Variants in HIPK3 observed in about 807,000 individuals in gnomAD.
The protein encoded by HIPK3 is homeodomain interacting protein kinase 3, also known as homeodomain-interacting protein kinase 3.
HIPK3 carries 47 observed loss-of-function variants against 124.2 expected under a neutral mutation model. The ratio of observed to expected loss-of-function variants is 0.38; its 90% CI spans 0.30 to 0.48. HIPK3 has a LOEUF of 0.48. Ranked by LOEUF, HIPK3 falls within the 20% of genes least tolerant of loss-of-function variation. The pLI, the probability that HIPK3 is intolerant of heterozygous loss-of-function variation, is 0.98. For synonymous variants in HIPK3, 482 were observed against 515.2 expected, an observed-to-expected ratio of 0.94 and a Z score of 0.87; for missense variants, 1,286 against 1,454.3, an observed-to-expected ratio of 0.88 and a Z score of 1.88.
intron 2 of HIPK3, among the ~76,000 whole-genome samples, chr11:33,305,422 A>T (rs1299340897): frequency 6.6e-6 from 1 of 152,224 alleles, no homozygotes; most frequent in Non-Finnish European, 1.5e-5. Context: ...TCTAAAAGTA[A>T]ACAGTTCATG....
In HIPK3 at chr11:33,311,225, G is replaced by A. The variant is rs146719673; in HGVS notation, c.1098-17285G>A. ...TTTTTGAGATGAAGTCTTGCTTTATGGCCAGGCTAGAGTACAGTGGTAAGA... is the reference window on the plus strand; with the variant it reads ...TTTTTGAGATGAAGTCTTGCTTTATAGCCAGGCTAGAGTACAGTGGTAAGA... On this transcript the variant is annotated intron_variant, in intron 2 of 16. Coordinates refer to ENST00000303296, the MANE Select transcript of HIPK3 (RefSeq NM_005734.5). 2.1e-3 allele frequency among the ~76,000 whole-genome samples: 320 copies of A among 152,118 alleles called. 3 individuals are homozygous for A. The highest frequency in any genetic ancestry group is 7.4e-3 in the African/African-American group (307 of 41,484).
intron 2 of HIPK3, among the ~76,000 whole-genome samples, chr11:33,294,230 T>C (rs1272058547): frequency 6.6e-6 from 1 of 152,208 alleles, no homozygotes; most frequent in Non-Finnish European, 1.5e-5. Flanking sequence ...GTTCCTTTTT[T>C]TTCTTTAACT....
chr11:33,258,029 C>G (rs1230133999), intron 1 of HIPK3, 140 bp downstream of exon 1: 22 of 675,620 alleles, frequency 3.3e-5, no homozygotes, highest in Non-Finnish European at 3.9e-5. Flanking sequence ...ATTGCGCGTC[C>G]CGTGCCCCAT....
At chr11:33,277,314 T>C (rs1477092933) in intron 1 of HIPK3, among the ~76,000 whole-genome samples, 1 of 152,204 alleles carries the variant, frequency 6.6e-6, no homozygotes, top group Non-Finnish European at 1.5e-5. Context: ...TTCTGCAACT[T>C]TTTTTGTTCT....
chr11:33,337,820 C>T (rs1028963632), intron 4 of HIPK3, among the ~76,000 whole-genome samples: 2 of 149,392 alleles, frequency 1.3e-5, no homozygotes. Context: ...ATTACAGGTG[C>T]CTGCCACCAT....
Position 33,338,838 on chromosome 11 carries a change from G to A in HIPK3, c.1423G>A (p.Ala475Thr), listed in dbSNP as rs1181142175. 3 of 1,607,458 alleles carry A rather than the reference G, an allele frequency of 1.9e-6. No homozygotes were observed. Among genetic ancestry groups the A allele is most frequent in the South Asian group, 2.2e-5 (2 of 90,826 alleles). Residue 475 changes from alanine to threonine, a missense_variant, in exon 5 of 17, where the codon GCG becomes ACG. Ala to Thr is a moderately conservative substitution (Grantham distance 58). Transcript: ENST00000303296. ...CATTTTCAACAGTCTGGATGATGTA[G>A]CGCATGTGAGTACCATAGCCACATT... ...KYIFNSLDDVAHVNTVMDLEG... is the reference protein window; with the variant it reads ...KYIFNSLDDVTHVNTVMDLEG...
At chr11:33,318,216 T>A (rs266456) in intron 2 of HIPK3, among the ~76,000 whole-genome samples, 2,138 of 151,920 alleles carry the variant, frequency 0.014, 59 homozygotes, top group African/African-American at 0.049. Flanking sequence ...CAATAGTTTT[T>A]TTTCTTAAAT....
At chr11:33,330,897 T>G (rs1428017416) in intron 3 of HIPK3, among the ~76,000 whole-genome samples, 2 of 151,656 alleles carry the variant, frequency 1.3e-5, no homozygotes, top group Admixed American at 6.6e-5. Context: ...TTCTTTTTCT[T>G]TTTTGAGACA....
chr11:33,353,414 C>T lies in HIPK3; in HGVS notation c.3494C>T (p.Pro1165Leu). 6.2e-7 allele frequency: 1 copy of T among 1,614,078 alleles called. No homozygotes were observed. Among genetic ancestry groups the T allele is most frequent in the South Asian group, 1.1e-5 (1 of 91,080 alleles). The change falls in exon 17 of 17, where the codon CCA becomes CTA. Residue 1165 changes from proline (P) to leucine (L), a missense_variant. Pro to Leu is a moderately conservative substitution (Grantham distance 98). Coordinates refer to ENST00000303296, the MANE Select transcript of HIPK3 (RefSeq NM_005734.5). ...CCCAGTGGCATAGTTCACCAAGTCC[C>T]AGTGGGCTTAAATCCCCGTCTGTTA... ...SHPSGIVHQVPVGLNPRLLPS... is the reference protein window; with the variant it reads ...SHPSGIVHQVLVGLNPRLLPS...
At chr11:33,306,938 C>CTT (rs371207899) in intron 2 of HIPK3, among the ~76,000 whole-genome samples, 26 of 136,654 alleles carry the variant, frequency 1.9e-4, no homozygotes, top group Non-Finnish European at 2.2e-4. Flanking sequence ...GATGCATCCA[C>CTT]TTTTTTTTTT....
chr11:33,320,098 G>C (rs966605595), intron 2 of HIPK3, among the ~76,000 whole-genome samples: 7 of 152,230 alleles, frequency 4.6e-5, no homozygotes, highest in Non-Finnish European at 1.0e-4. Flanking sequence ...GTTTGAAACA[G>C]TAAGGAGACT....
At chr11:33,285,097 A>G (rs987335675) in intron 1 of HIPK3, among the ~76,000 whole-genome samples, 10 of 152,218 alleles carry the variant, frequency 6.6e-5, no homozygotes, top group Non-Finnish European at 1.2e-4. Context: ...TTTCATATCT[A>G]TGTTATATCT....
At chr11:33,337,284 T>C (rs1853179755) in intron 4 of HIPK3, 90 bp downstream of exon 4, 1 of 614,768 alleles carries the variant, frequency 1.6e-6, no homozygotes, top group Non-Finnish European at 2.5e-6. Context: ...TATTTACATT[T>C]TACTATATTT....
intron 7 of HIPK3, 120 bp from the exon 8 acceptor site, chr11:33,341,443 A>T (rs1853331927): frequency 9.3e-7 from 1 of 1,080,564 alleles, no homozygotes; most frequent in Middle Eastern, 2.2e-4. Flanking sequence ...TTTTGTTCTC[A>T]TTTTCTGGAC....
At chr11:33,341,483 GAA>G (rs1260110730) in intron 7 of HIPK3, 78 bp from the exon 8 acceptor site, 7 of 1,276,934 alleles carry the variant, frequency 5.5e-6, no homozygotes, top group Non-Finnish European at 7.4e-6. Context: ...ATGATCTTAA[GAA>G]ATGTGTTTGA....
chr11:33,256,916 A>G (rs557176841), upstream of HIPK3, among the ~76,000 whole-genome samples: 1 of 152,174 alleles, frequency 6.6e-6, no homozygotes, highest in East Asian at 1.9e-4. Flanking sequence ...TCATTTGAGC[A>G]TTTCCCCTTT....
intron 2 of HIPK3, among the ~76,000 whole-genome samples, chr11:33,288,331 T>C (rs1205315328): frequency 6.6e-6 from 1 of 152,114 alleles, no homozygotes; most frequent in Non-Finnish European, 1.5e-5. Flanking sequence ...GGTGGGTGTC[T>C]ATAATCCCAG....
chr11:33,328,695 G>T (rs1852882108), intron 3 of HIPK3, 62 bp downstream of exon 3: 7 of 1,484,632 alleles, frequency 4.7e-6, no homozygotes, highest in Admixed American at 1.7e-5. Flanking sequence ...CAGACTTACA[G>T]GAACACATGG....
At chr11:33,327,131 T>C (rs942796674) in intron 2 of HIPK3, among the ~76,000 whole-genome samples, 13 of 152,182 alleles carry the variant, frequency 8.5e-5, no homozygotes, top group Admixed American at 5.2e-4. Context: ...TAGTTTCAAT[T>C]TGAGATCCCA....
Sources: gnomAD v4.1 joint callset for allele counts (sites outside exome capture counted in the v4.1 genomes callset) on GRCh38, gnomAD v4.1.1 for gene constraint, MANE v1.5 for transcripts, NCBI Gene and HGNC (gene_info 2026-07-23, HGNC 2026-07-21) for gene names.